The following ARHGAP15 variants were observed in gnomAD, a reference collection of about 807,000 sequenced individuals.
The protein encoded by ARHGAP15 is Rho GTPase activating protein 15.
In ARHGAP15, 51 loss-of-function variants were observed where a neutral mutation model predicts 63.7. That is an observed-to-expected ratio of 0.80 (90% confidence interval 0.64 to 1.01). The LOEUF is 1.01. ARHGAP15 is among the 50% of genes least tolerant of loss of function. ARHGAP15 has a pLI of 0.00. For missense variants in ARHGAP15, 560 were observed against 564.6 expected, an observed-to-expected ratio of 0.99 and a Z score of 0.08; for synonymous variants, 191 against 193.8, an observed-to-expected ratio of 0.99 and a Z score of 0.12.
At chr2:143,627,653 T>C (rs999698678) in intron 12 of ARHGAP15, among the ~76,000 whole-genome samples, 2 of 152,088 alleles carry the variant, frequency 1.3e-5, no homozygotes, top group African/African-American at 4.8e-5. Context: ...TTCGGCTTTA[T>C]ATGGAAAGGG....
intron 6 of ARHGAP15, chr2:143,295,605 A>C (rs931481566): frequency 3.3e-5 from 5 of 152,024 alleles, no homozygotes; most frequent in African/African-American, 9.7e-5. Flanking sequence ...TCATGAATAG[A>C]GAGGTACTGA....
Position 143,412,829 on chromosome 2 carries a change from T to C in ARHGAP15, c.475-22772T>C, listed in dbSNP as rs544871684. Among the ~76,000 whole-genome samples, 512 of 152,276 alleles carry C rather than the reference T, an allele frequency of 3.4e-3. 2 individuals carry two copies. The highest frequency in any genetic ancestry group is 0.012 in the African/African-American group (489 of 41,564). Reference sequence around the variant, plus strand: ...TCTCAAAACCTTTTCTTATATCTTATGCTGTTTTCACAATTTTCCATTCTT... The same window carrying C: ...TCTCAAAACCTTTTCTTATATCTTACGCTGTTTTCACAATTTTCCATTCTT... On this transcript the variant is annotated intron_variant, in intron 6 of 13. Transcript: ENST00000295095.
At chr2:143,595,352 G>A (rs1242640769) in intron 11 of ARHGAP15, among the ~76,000 whole-genome samples, 1 of 152,000 alleles carries the variant, frequency 6.6e-6, no homozygotes, top group East Asian at 1.9e-4. Flanking sequence ...ATGGTTGACT[G>A]GATCCAAAAT....
chr2:143,719,096 C>T (rs1324813538), intron 13 of ARHGAP15, among the ~76,000 whole-genome samples: 2 of 152,216 alleles, frequency 1.3e-5, no homozygotes, highest in East Asian at 1.9e-4. Context: ...TGGGACAGAA[C>T]CGCTGTAAGG....
At chr2:143,140,894 CT>C (rs1320149882) in intron 1 of ARHGAP15, among the ~76,000 whole-genome samples, 2 of 152,130 alleles carry the variant, frequency 1.3e-5, no homozygotes, top group African/African-American at 4.8e-5. Context: ...AGAAAGCTTG[CT>C]GTATCCTATG....
intron 11 of ARHGAP15, among the ~76,000 whole-genome samples, chr2:143,593,582 A>G (rs556950773): frequency 1.3e-5 from 2 of 152,326 alleles, no homozygotes; most frequent in African/African-American, 4.8e-5. Flanking sequence ...GGTAATTTTT[A>G]TCTTATCTGA....
chr2:143,618,711 CAA>C lies in ARHGAP15; in HGVS notation c.1004-5417_1004-5416del. Reference sequence around the variant, plus strand: ...GGATAGTCCAAGTGCAAGCATATTTCAAAAAAGACTAGGTTAAAACAGGTTGA... The same window carrying C: ...GGATAGTCCAAGTGCAAGCATATTTCAAAAGACTAGGTTAAAACAGGTTGA... On this transcript the variant is annotated intron_variant, in intron 11 of 13. Transcript: ENST00000295095. Among the ~76,000 whole-genome samples the C allele has an allele frequency of 1.3e-5, 2 of 151,954 alleles. 1 individual carries two copies. Among genetic ancestry groups the C allele is most frequent in the South Asian group, 4.2e-4 (2 of 4,810 alleles).
chr2:143,519,246 C>G lies in ARHGAP15; in HGVS notation c.827-20C>G. 1 of 1,565,862 alleles carries G rather than the reference C, an allele frequency of 6.4e-7. No homozygotes were observed. The highest frequency in any genetic ancestry group is 2.2e-5 in the East Asian group (1 of 44,510). ...CGCAAGCTTGGATTTTAATGAAGCT[C>G]ATCTTTGTTTCTTTTGCAGATCAAA... On this transcript the variant is annotated intron_variant, in intron 9 of 13. Coordinates refer to ENST00000295095, the MANE Select transcript of ARHGAP15 (RefSeq NM_018460.4).
chr2:143,673,746 GTGTGTGTGTGTGTATATA>G (rs1197217470), intron 12 of ARHGAP15, among the ~76,000 whole-genome samples: 7 of 29,710 alleles, frequency 2.4e-4, no homozygotes, highest in East Asian at 3.9e-3. Flanking sequence ...GTGTGTGTGT[GTGTGTGTGTGTGTATATA>G]TATATATATA....
chr2:143,768,027 A>G lies in ARHGAP15; in HGVS notation c.1283A>G (p.Gln428Arg). 1.2e-6 allele frequency: 2 copies of G among 1,613,650 alleles called. No individual in the cohort carries two copies. The highest frequency in any genetic ancestry group is 1.7e-6 in the Non-Finnish European group (2 of 1,179,706). ...AKASKNLMST[Q>R]SLGIVFGPTL... ...GCCTCCAAGAACCTCATGTCCACGC[A>G]AAGCTTGGGGATTGTATTTGGACCT... The change falls in exon 14 of 14, where the codon CAA becomes CGA. Residue 428 changes from glutamine (Q) to arginine (R), a missense_variant. Physicochemically the swap from Gln to Arg is conservative, Grantham distance 43. Transcript: ENST00000295095.
intron 2 of ARHGAP15, among the ~76,000 whole-genome samples, chr2:143,188,633 T>C (rs1439508678): frequency 6.7e-6 from 1 of 148,336 alleles, no homozygotes; most frequent in African/African-American, 2.5e-5. Flanking sequence ...ATTATTATTA[T>C]TATTATTATT....
rs191869007 is a variant in ARHGAP15, at chr2:143,378,121, A to T, written c.475-57480A>T. Among the ~76,000 whole-genome samples the T allele has an allele frequency of 2.6e-5, 4 of 152,160 alleles. No homozygotes were observed. The East Asian group carries it at 7.7e-4, about 29-fold the overall frequency. The stretch of plus-strand genomic sequence containing the variant: ...AGGGTCCCCCTCACCAATGCCTTGG[A>T]TGCATGACTTTGGGAGATATGTTTC... On this transcript the variant is annotated intron_variant, in intron 6 of 13. Coordinates refer to ENST00000295095, the MANE Select transcript of ARHGAP15 (RefSeq NM_018460.4).
At chr2:143,234,791 T>A (rs1001440849) in intron 5 of ARHGAP15, among the ~76,000 whole-genome samples, 2 of 152,194 alleles carry the variant, frequency 1.3e-5, no homozygotes, top group African/African-American at 4.8e-5. Context: ...ATGTGTAGTA[T>A]AAACAAATGA....
At chr2:143,741,569 AAG>A (rs375211697) in intron 13 of ARHGAP15, among the ~76,000 whole-genome samples, 2 of 152,280 alleles carry the variant, frequency 1.3e-5, no homozygotes, top group African/African-American at 4.8e-5. Context: ...CTTAAAATAA[AAG>A]AGTTTAGTTT....
intron 9 of ARHGAP15, among the ~76,000 whole-genome samples, chr2:143,510,317 G>T (rs962962196): frequency 1.3e-5 from 2 of 152,074 alleles, no homozygotes; most frequent in Non-Finnish European, 2.9e-5. Flanking sequence ...AACTACGAGG[G>T]CTGTATTTTC....
intron 6 of ARHGAP15, among the ~76,000 whole-genome samples, chr2:143,424,722 T>C (rs1689071731): frequency 6.6e-6 from 1 of 152,194 alleles, no homozygotes; most frequent in African/African-American, 2.4e-5. Flanking sequence ...ATTTCTTTCA[T>C]TGAAAACCAT....
chr2:143,525,713 T>TG (rs1694243422), intron 10 of ARHGAP15, among the ~76,000 whole-genome samples: 1 of 152,068 alleles, frequency 6.6e-6, no homozygotes, highest in Non-Finnish European at 1.5e-5. Flanking sequence ...ATTGGCTCTT[T>TG]GGGGTAGTCA....
intron 13 of ARHGAP15, among the ~76,000 whole-genome samples, chr2:143,724,615 G>T (rs1685202376): frequency 6.6e-6 from 1 of 152,114 alleles, no homozygotes; most frequent in Non-Finnish European, 1.5e-5. Flanking sequence ...TTTAGCAAGT[G>T]GGTAAGTGGA....
chr2:143,453,139 T>C (rs1321548219), intron 8 of ARHGAP15, among the ~76,000 whole-genome samples: 1 of 151,910 alleles, frequency 6.6e-6, no homozygotes, highest in East Asian at 1.9e-4. Flanking sequence ...TCATCCCCAT[T>C]TTATCTATTA....
Sources: gnomAD v4.1 joint callset for allele counts (sites outside exome capture counted in the v4.1 genomes callset) on GRCh38, gnomAD v4.1.1 for gene constraint, MANE v1.5 for transcripts, NCBI Gene and HGNC (gene_info 2026-07-23, HGNC 2026-07-21) for gene names.